The following STEAP1B variants were observed in gnomAD, a reference collection of about 807,000 sequenced individuals.
STEAP1B encodes the protein STEAP family member 1B.
In STEAP1B, 13 loss-of-function variants were observed where a neutral mutation model predicts 27.9. The ratio of observed to expected loss-of-function variants is 0.47; its 90% confidence interval spans 0.30 to 0.74. STEAP1B has a LOEUF of 0.74. Ranked by LOEUF, STEAP1B falls within the 30% of genes least tolerant of loss-of-function variation. The pLI is 0.06. For synonymous variants in STEAP1B, 86 were observed against 107.1 expected, an observed-to-expected ratio of 0.80 and a Z score of 1.22; for missense variants, 250 against 298.7, an observed-to-expected ratio of 0.84 and a Z score of 1.20.
intron 4 of STEAP1B, among the ~76,000 whole-genome samples, chr7:22,445,450 G>A (rs1003725321): frequency 2.6e-5 from 4 of 152,244 alleles, no homozygotes; most frequent in African/African-American, 7.2e-5. Flanking sequence ...GGGATCTGCC[G>A]GCAGCCTTGT....
intron 1 of STEAP1B, chr7:22,495,577 T>C (rs969712507): frequency 6.6e-6 from 1 of 152,242 alleles, no homozygotes; most frequent in Non-Finnish European, 1.5e-5. Context: ...TAACATTTTT[T>C]AGGGAAAGAA....
At chr7:22,422,561 T>G (rs1785057132) in intron 4 of STEAP1B, among the ~76,000 whole-genome samples, 2 of 152,070 alleles carry the variant, frequency 1.3e-5, no homozygotes, top group African/African-American at 4.8e-5. Flanking sequence ...TGGCACAATC[T>G]TGGCTCATTG....
chr7:22,473,866 G>T (rs1407533169), intron 4 of STEAP1B, among the ~76,000 whole-genome samples: 1 of 152,190 alleles, frequency 6.6e-6, no homozygotes, highest in Non-Finnish European at 1.5e-5. Context: ...ACAGGATCCA[G>T]CAGGAAAGTA....
chr7:22,470,927 T>C (rs1022323831), intron 4 of STEAP1B, among the ~76,000 whole-genome samples: 1 of 152,116 alleles, frequency 6.6e-6, no homozygotes, highest in Non-Finnish European at 1.5e-5. Flanking sequence ...TCCCTTACTC[T>C]AGCAAAAGAA....
intron 4 of STEAP1B, among the ~76,000 whole-genome samples, chr7:22,422,727 T>G (rs923944765): frequency 5.3e-5 from 8 of 152,194 alleles, no homozygotes; most frequent in Admixed American, 5.2e-4. Context: ...ACTCCTGACC[T>G]CAGGTGATCC....
chr7:22,458,758 A>T (rs777217892), intron 4 of STEAP1B, among the ~76,000 whole-genome samples: 4 of 152,154 alleles, frequency 2.6e-5, no homozygotes, highest in African/African-American at 4.8e-5. Flanking sequence ...AGGAGATAAA[A>T]CAGAAAGACA....
At chr7:22,494,657 T>C (rs1388982410) in intron 2 of STEAP1B, 115 bp downstream of exon 2, 5 of 699,596 alleles carry the variant, frequency 7.1e-6, no homozygotes, top group Non-Finnish European at 9.0e-6. Flanking sequence ...CAAGTCCAGA[T>C]ATCAGCAGAC....
chr7:22,469,953 AT>A (rs944957206), intron 4 of STEAP1B, among the ~76,000 whole-genome samples: 1 of 152,224 alleles, frequency 6.6e-6, no homozygotes, highest in Non-Finnish European at 1.5e-5. Flanking sequence ...TAAAAAAAAG[AT>A]ATGCACACTC....
chr7:22,499,650 G>A (rs369663227), intron 1 of STEAP1B, among the ~76,000 whole-genome samples: 1 of 152,126 alleles, frequency 6.6e-6, no homozygotes, highest in South Asian at 2.1e-4. Context: ...AAAGAGTAGG[G>A]CCAGTGTTCT....
At chr7:22,459,481 C>T (rs539988575) in intron 4 of STEAP1B, among the ~76,000 whole-genome samples, 19 of 152,332 alleles carry the variant, frequency 1.2e-4, no homozygotes, top group Admixed American at 9.8e-4. Context: ...TTGGGTACCA[C>T]GGCCATAAGA....
In STEAP1B at chr7:22,443,821, G is replaced by A. The variant is rs573414135; in HGVS notation, c.763-23985C>T. On this transcript the variant is annotated intron_variant, in intron 4 of 4. Transcript: ENST00000678116. ...GAGCCAGGCAAAAACACTTCCACTC[G>A]GCTGGAGCCACCAGGACTTTGACCT... is the stretch of plus-strand genomic sequence containing the variant. Among the ~76,000 whole-genome samples, 18 of 152,250 alleles carry A rather than the reference G, an allele frequency of 1.2e-4. No individual in the cohort carries two copies. In the East Asian group the frequency reaches 2.7e-3, roughly 23 times the overall value.
chr7:22,450,285 T>C (rs1252979444), intron 4 of STEAP1B, among the ~76,000 whole-genome samples: 2 of 152,252 alleles, frequency 1.3e-5, no homozygotes, highest in African/African-American at 4.8e-5. Flanking sequence ...TCAATGTTTC[T>C]TTGTAGTAGT....
intron 4 of STEAP1B, among the ~76,000 whole-genome samples, chr7:22,457,020 A>T (rs919879497): frequency 7.4e-6 from 1 of 134,436 alleles, no homozygotes; most frequent in African/African-American, 2.8e-5. Flanking sequence ...CATGACAAAC[A>T]TCAAGAATGT....
At chr7:22,438,762 A>C in intron 4 of STEAP1B, 1 of 1,543,350 alleles carries the variant, frequency 6.5e-7, no homozygotes, top group Non-Finnish European at 8.7e-7. Context: ...TAGCCTAGAA[A>C]ATGAAAAGAA....
chr7:22,474,753 G>A (rs769010234), intron 4 of STEAP1B, among the ~76,000 whole-genome samples: 1 of 152,192 alleles, frequency 6.6e-6, no homozygotes, highest in African/African-American at 2.4e-5. Flanking sequence ...TGTGTGACTG[G>A]TAGCATCTGA....
chr7:22,461,596 G>A (rs1785679812), intron 4 of STEAP1B, among the ~76,000 whole-genome samples: 1 of 152,190 alleles, frequency 6.6e-6, no homozygotes, highest in Non-Finnish European at 1.5e-5. Flanking sequence ...TTCTGCTCCA[G>A]CGTTTGACTG....
chr7:22,437,101 A>C (rs1785264780), intron 4 of STEAP1B, among the ~76,000 whole-genome samples: 1 of 152,236 alleles, frequency 6.6e-6, no homozygotes, highest in Non-Finnish European at 1.5e-5. Context: ...CAAACTGTAT[A>C]GCTGACAAGG....
chr7:22,488,434 AGTCAC>A lies in STEAP1B; in HGVS notation c.762+4126_762+4130del, dbSNP rs879498933. ...GAAGGCGAGTGCCCTTGCCCTACCT[AGTCAC>A]CCTCGAGGCTGAGTGCCCAGGGACA... On this transcript the variant is annotated intron_variant, in intron 4 of 4. Coordinates refer to ENST00000678116, the MANE Select transcript of STEAP1B (RefSeq NM_001382447.1). Among the ~76,000 whole-genome samples, 1,445 of 152,266 alleles carry A rather than the reference AGTCAC, an allele frequency of 9.5e-3. 15 individuals are homozygous for A. The highest frequency in any genetic ancestry group is 0.024 in the Middle Eastern group (7 of 294).
In STEAP1B at chr7:22,423,808, C is replaced by T. The variant is rs144978190; in HGVS notation, c.763-3972G>A. On this transcript the variant is annotated intron_variant, in intron 4 of 4. Coordinates refer to ENST00000678116, the MANE Select transcript of STEAP1B (RefSeq NM_001382447.1). ...CTTTGAGAGGCCAAGGCGGGCAAAT[C>T]GCTTGAGTCCAGGAGTTCAAGACCA... Among the ~76,000 whole-genome samples, 286 of 152,310 alleles carry T rather than the reference C, an allele frequency of 1.9e-3. 3 individuals carry two copies. The East Asian group carries it at 0.024, about 13-fold the overall frequency.
Sources: allele counts gnomAD v4.1 joint callset (sites outside exome capture counted in the v4.1 genomes callset), GRCh38; gene constraint gnomAD v4.1.1; transcripts MANE v1.5; gene names NCBI Gene and HGNC (gene_info 2026-07-23, HGNC 2026-07-21).